MGMT: variants seen among roughly 807,000 people sequenced by gnomAD.
The protein encoded by MGMT is methylated-DNA--protein-cysteine methyltransferase.
MGMT carries 14 observed loss-of-function variants against 15.9 expected under a neutral mutation model. The ratio of observed to expected loss-of-function variants is 0.88; its 90% confidence interval spans 0.58 to 1.37. The LOEUF (loss-of-function observed/expected upper bound fraction) is 1.37, where lower values mean the gene tolerates loss of function less well. Ranked by LOEUF, MGMT falls within the 40% of genes most tolerant of loss-of-function variation. MGMT has a pLI of 0.00. For missense variants in MGMT, 282 were observed against 268.1 expected, an observed-to-expected ratio of 1.05 and a Z score of -0.36; for synonymous variants, 130 against 118.2, an observed-to-expected ratio of 1.10 and a Z score of -0.65.
chr10:129,490,900 C>T (rs1845462668), intron 1 of MGMT, among the ~76,000 whole-genome samples: 1 of 152,164 alleles, frequency 6.6e-6, no homozygotes, highest in African/African-American at 2.4e-5. Context: ...CCTGGACTTA[C>T]TATAGTTCAC....
At chr10:129,561,685 T>G (rs1846280783) in intron 2 of MGMT, among the ~76,000 whole-genome samples, 1 of 152,184 alleles carries the variant, frequency 6.6e-6, no homozygotes, top group Non-Finnish European at 1.5e-5. Context: ...CACAGTTTAT[T>G]GGAGTCTACA....
intron 1 of MGMT, among the ~76,000 whole-genome samples, chr10:129,483,365 CT>C (rs1564830913): frequency 6.6e-6 from 1 of 151,978 alleles, no homozygotes; most frequent in Non-Finnish European, 1.5e-5. Flanking sequence ...ATCCTCATTC[CT>C]TTGTGTAGAT....
intron 2 of MGMT, among the ~76,000 whole-genome samples, chr10:129,653,700 C>T (rs968496548): frequency 6.6e-6 from 1 of 152,258 alleles, no homozygotes. Context: ...TTCTGCTAAA[C>T]AAGAGGCAGG....
intron 2 of MGMT, among the ~76,000 whole-genome samples, chr10:129,675,258 C>T (rs987392025): frequency 1.4e-4 from 21 of 152,234 alleles, no homozygotes; most frequent in Admixed American, 8.5e-4. Context: ...AGAGGAGTTT[C>T]GTCTCGAGTC....
chr10:129,638,806 A>G (rs904715299), intron 2 of MGMT, among the ~76,000 whole-genome samples: 2 of 152,214 alleles, frequency 1.3e-5, no homozygotes, highest in Non-Finnish European at 2.9e-5. Context: ...ATAAAATATA[A>G]AATCCAAATA....
At chr10:129,618,115 G>A (rs978502047) in intron 2 of MGMT, among the ~76,000 whole-genome samples, 2 of 152,108 alleles carry the variant, frequency 1.3e-5, no homozygotes, top group Admixed American at 1.3e-4. Context: ...GGCCCCTTGG[G>A]ATGGAAAAGG....
intron 2 of MGMT, among the ~76,000 whole-genome samples, chr10:129,622,897 G>A (rs1037130582): frequency 1.3e-5 from 2 of 152,310 alleles, no homozygotes; most frequent in African/African-American, 2.4e-5. Context: ...CTGACTTGTG[G>A]AATGCATGGA....
chr10:129,716,130 A>G (rs1469312340), intron 3 of MGMT, among the ~76,000 whole-genome samples: 1 of 152,212 alleles, frequency 6.6e-6, no homozygotes, highest in African/African-American at 2.4e-5. Context: ...AAGTAAATTG[A>G]AGAACGAAAT....
At chr10:129,676,957 C>A (rs557851329) in intron 2 of MGMT, among the ~76,000 whole-genome samples, 1 of 152,270 alleles carries the variant, frequency 6.6e-6, no homozygotes, top group South Asian at 2.1e-4. Context: ...GTCCTTATTT[C>A]AGTAAATCTG....
At chr10:129,478,189 C>T (rs1439826272) in intron 1 of MGMT, among the ~76,000 whole-genome samples, 3 of 150,670 alleles carry the variant, frequency 2.0e-5, no homozygotes, top group Non-Finnish European at 1.5e-5. Flanking sequence ...GTTTTTAAAA[C>T]CAGTCTCTAC....
intron 1 of MGMT, among the ~76,000 whole-genome samples, chr10:129,519,938 A>ATC (rs893757260): frequency 3.9e-5 from 6 of 152,112 alleles, no homozygotes; most frequent in African/African-American, 1.4e-4. Flanking sequence ...TCTCAGTGCT[A>ATC]TGGGAGGATT....
At chr10:129,482,293 T>G (rs981882539) in intron 1 of MGMT, among the ~76,000 whole-genome samples, 11 of 152,232 alleles carry the variant, frequency 7.2e-5, no homozygotes, top group Non-Finnish European at 1.5e-5. Context: ...ATACCTGTTA[T>G]GATTTTAATC....
intron 3 of MGMT, among the ~76,000 whole-genome samples, chr10:129,734,245 G>A (rs1377261268): frequency 2.8e-5 from 4 of 141,656 alleles, no homozygotes; most frequent in African/African-American, 9.9e-5. Flanking sequence ...TTGAGCAGTG[G>A]TTTGTAGTTC....
intron 2 of MGMT, among the ~76,000 whole-genome samples, chr10:129,543,937 T>C (rs1846071894): frequency 6.6e-6 from 1 of 152,214 alleles, no homozygotes; most frequent in South Asian, 2.1e-4. Context: ...TTTCCAACAT[T>C]TGGAGTAAAA....
chr10:129,744,666 A>T (rs975198247), intron 3 of MGMT, among the ~76,000 whole-genome samples: 1 of 152,150 alleles, frequency 6.6e-6, no homozygotes, highest in Non-Finnish European at 1.5e-5. Flanking sequence ...AGAGCCAGCC[A>T]GTGGGGCTGC....
At chr10:129,642,617 A>G (rs1444018777) in intron 2 of MGMT, among the ~76,000 whole-genome samples, 4 of 152,172 alleles carry the variant, frequency 2.6e-5, no homozygotes, top group Admixed American at 2.0e-4. Flanking sequence ...ACCCTTTGCC[A>G]TTGCATTACA....
At chr10:129,534,771 A>G (rs1845967682) in intron 1 of MGMT, among the ~76,000 whole-genome samples, 1 of 151,708 alleles carries the variant, frequency 6.6e-6, no homozygotes, top group African/African-American at 2.4e-5. Context: ...TGCATGTGGG[A>G]TTCAGACCTG....
intron 2 of MGMT, among the ~76,000 whole-genome samples, chr10:129,623,686 G>T (rs1035370647): frequency 6.6e-6 from 1 of 151,958 alleles, no homozygotes; most frequent in Non-Finnish European, 1.5e-5. Context: ...GCACCACCAC[G>T]CCTGGCTAAT....
intron 2 of MGMT, among the ~76,000 whole-genome samples, chr10:129,575,037 G>A (rs1292520682): frequency 6.6e-6 from 1 of 152,094 alleles, no homozygotes; most frequent in Non-Finnish European, 1.5e-5. Context: ...ACCTTGCAGA[G>A]TTCTAACAGA....
Sources: allele counts gnomAD v4.1 joint callset (sites outside exome capture counted in the v4.1 genomes callset), GRCh38; gene constraint gnomAD v4.1.1; transcripts MANE v1.5; gene names NCBI Gene and HGNC (gene_info 2026-07-23, HGNC 2026-07-21).